The following AK5 variants were observed in gnomAD, a reference collection of about 807,000 sequenced individuals.
AK5 encodes adenylate kinase 5.
In AK5, 27 loss-of-function variants were observed where a neutral mutation model predicts 69.5. The observed-to-expected ratio is 0.39, with a 90% CI of 0.29 to 0.54. The LOEUF (loss-of-function observed/expected upper bound fraction) is 0.54, where lower values mean the gene tolerates loss of function less well. AK5 is among the 20% of genes least tolerant of loss of function. The pLI is 0.71. For synonymous variants in AK5, 260 were observed against 244.4 expected (o/e 1.06, Z -0.60); for missense variants, 531 against 700.4 (o/e 0.76, Z 2.73).
rs1416269664 is a variant in AK5, at chr1:77,368,318, A to G, written c.891+27750A>G. Reference sequence around the variant, plus strand: ...GTTATATATAATATATATGTTATATATAATATATATGTTATATATGTTATA... The same window carrying G: ...GTTATATATAATATATATGTTATATGTAATATATATGTTATATATGTTATA... On this transcript the variant is annotated intron_variant, in intron 6 of 13. Coordinates refer to ENST00000354567, the MANE Select transcript of AK5 (RefSeq NM_174858.3). 9.1e-5 allele frequency among the ~76,000 whole-genome samples: 11 copies of G among 121,540 alleles called. No individual in the cohort carries two copies. In the South Asian group the frequency reaches 2.0e-3, roughly 22 times the overall value. The allele number at this position is 121,540 out of a possible 152,430, so 79.7% of individuals were successfully genotyped here.
intron 5 of AK5, among the ~76,000 whole-genome samples, chr1:77,331,532 G>T (rs1361147465): frequency 6.6e-6 from 1 of 152,090 alleles, no homozygotes; most frequent in Non-Finnish European, 1.5e-5. Flanking sequence ...CTTGGTTTTT[G>T]AAAGGTAAAT....
intron 6 of AK5, among the ~76,000 whole-genome samples, chr1:77,390,562 T>C (rs1415396662): frequency 6.6e-6 from 1 of 152,048 alleles, no homozygotes; most frequent in Non-Finnish European, 1.5e-5. Flanking sequence ...AGACCACTTG[T>C]AATGAGTGAA....
chr1:77,448,483 G>A (rs1251765690), intron 8 of AK5, among the ~76,000 whole-genome samples: 1 of 152,248 alleles, frequency 6.6e-6, no homozygotes, highest in East Asian at 1.9e-4. Flanking sequence ...TCTCCACTGA[G>A]GGATACAGAA....
intron 8 of AK5, among the ~76,000 whole-genome samples, chr1:77,463,657 T>G (rs545168497): frequency 1.3e-5 from 2 of 152,182 alleles, no homozygotes; most frequent in South Asian, 4.1e-4. Flanking sequence ...CTAGGAACAG[T>G]GTGGAACTGG....
chr1:77,430,417 T>G (rs916303372), intron 8 of AK5, among the ~76,000 whole-genome samples: 1 of 152,160 alleles, frequency 6.6e-6, no homozygotes, highest in Admixed American at 6.5e-5. Context: ...AGATAGGGCA[T>G]GAGTGTAATT....
chr1:77,293,045 C>T (rs1347319123), intron 2 of AK5, among the ~76,000 whole-genome samples: 1 of 151,986 alleles, frequency 6.6e-6, no homozygotes, highest in Non-Finnish European at 1.5e-5. Context: ...TATTTGTTGC[C>T]ATTGTAGATA....
chr1:77,350,344 T>C (rs1662128235), intron 6 of AK5, among the ~76,000 whole-genome samples: 1 of 152,172 alleles, frequency 6.6e-6, no homozygotes, highest in South Asian at 2.1e-4. Context: ...AAGGTCATGA[T>C]AAGCAGACAC....
intron 6 of AK5, among the ~76,000 whole-genome samples, chr1:77,344,177 C>A (rs1295778189): frequency 6.6e-6 from 1 of 152,128 alleles, no homozygotes; most frequent in Admixed American, 6.5e-5. Context: ...TCAGATTAGC[C>A]AAGAAAAACA....
intron 8 of AK5, among the ~76,000 whole-genome samples, chr1:77,448,018 G>A (rs953377440): frequency 3.3e-5 from 5 of 152,212 alleles, no homozygotes; most frequent in East Asian, 1.9e-4. Flanking sequence ...TTAGGGCACC[G>A]ACGAGCATGG....
chr1:77,390,946 G>T (rs1648383389), intron 6 of AK5, among the ~76,000 whole-genome samples: 1 of 152,122 alleles, frequency 6.6e-6, no homozygotes, highest in Non-Finnish European at 1.5e-5. Flanking sequence ...GAAAGATTTG[G>T]TTAGCCATTA....
chr1:77,506,014 G>T (rs929114763), intron 10 of AK5, among the ~76,000 whole-genome samples: 2 of 152,126 alleles, frequency 1.3e-5, no homozygotes, highest in African/African-American at 4.8e-5. Context: ...TAGGAAAAAT[G>T]GTGTGTTTAA....
intron 6 of AK5, among the ~76,000 whole-genome samples, chr1:77,389,642 A>G (rs1300218377): frequency 6.6e-6 from 1 of 152,204 alleles, no homozygotes; most frequent in Non-Finnish European, 1.5e-5. Context: ...TTTTATGCAT[A>G]ATATGACACC....
chr1:77,499,339 C>T (rs938368458), intron 10 of AK5, among the ~76,000 whole-genome samples: 2 of 152,140 alleles, frequency 1.3e-5, no homozygotes, highest in Non-Finnish European at 2.9e-5. Context: ...TGACATGTTA[C>T]TGCGACTCAG....
intron 8 of AK5, among the ~76,000 whole-genome samples, chr1:77,475,687 T>C (rs1427959946): frequency 6.6e-6 from 1 of 151,364 alleles, no homozygotes; most frequent in Non-Finnish European, 1.5e-5. Context: ...ATTTTATTTC[T>C]GTTTTACAAG....
At chr1:77,553,739 G>C (rs1162058474) in intron 13 of AK5, among the ~76,000 whole-genome samples, 4 of 152,178 alleles carry the variant, frequency 2.6e-5, no homozygotes, top group Admixed American at 1.3e-4. Flanking sequence ...AGCGTTTGTG[G>C]ATTTACACCT....
intron 5 of AK5, among the ~76,000 whole-genome samples, chr1:77,305,158 C>A (rs1659568751): frequency 6.6e-6 from 1 of 152,076 alleles, no homozygotes; most frequent in Admixed American, 6.6e-5. Flanking sequence ...CTATTCAAAT[C>A]TTTTGCCTGT....
intron 8 of AK5, among the ~76,000 whole-genome samples, chr1:77,426,641 AT>A (rs1651229439): frequency 6.6e-6 from 1 of 152,230 alleles, no homozygotes; most frequent in African/African-American, 2.4e-5. Context: ...AGTCAACTGG[AT>A]ATAACTGGCA....
chr1:77,441,133 C>T lies in AK5; in HGVS notation c.1059+23418C>T, dbSNP rs143377285. ...TTTCATTAATTGAATTCTTTAGCTG[C>T]GGGATTTCTGTTTGGTTTTTTAAAT... On this transcript the variant is annotated intron_variant, in intron 8 of 13. Coordinates refer to ENST00000354567, the MANE Select transcript of AK5 (RefSeq NM_174858.3). 6.2e-4 allele frequency among the ~76,000 whole-genome samples: 95 copies of T among 152,144 alleles called. 1 individual carries two copies. The East Asian group carries it at 0.015, about 24-fold the overall frequency.
At chr1:77,499,045 A>C (rs1326825183) in intron 10 of AK5, among the ~76,000 whole-genome samples, 1 of 152,208 alleles carries the variant, frequency 6.6e-6, no homozygotes, top group Non-Finnish European at 1.5e-5. Flanking sequence ...GTTGTCAACA[A>C]CCCAGCCCTG....
Sources: allele counts gnomAD v4.1 joint callset (sites outside exome capture counted in the v4.1 genomes callset), GRCh38; gene constraint gnomAD v4.1.1; transcripts MANE v1.5; gene names NCBI Gene and HGNC (gene_info 2026-07-23, HGNC 2026-07-21).